L3MBTL4: variants seen among roughly 807,000 people sequenced by gnomAD.
L3MBTL4 encodes the protein L3MBTL histone methyl-lysine binding protein 4, also known as lethal(3)malignant brain tumor-like protein 4.
Under a neutral mutation model 84.5 loss-of-function variants are expected in L3MBTL4, and 70 were observed. The ratio of observed to expected loss-of-function variants is 0.83; its 90% confidence interval spans 0.68 to 1.01. L3MBTL4 has a LOEUF of 1.01. Ranked by LOEUF, L3MBTL4 falls within the 50% of genes least tolerant of loss-of-function variation. The pLI, the probability that L3MBTL4 is intolerant of heterozygous loss-of-function variation, is 0.00. For missense variants in L3MBTL4, 715 were observed against 754.8 expected, an observed-to-expected ratio of 0.95 and a Z score of 0.62; for synonymous variants, 274 against 259.8, an observed-to-expected ratio of 1.05 and a Z score of -0.52.
At chr18:6,328,539 G>T (rs1200936399) in intron 1 of L3MBTL4, among the ~76,000 whole-genome samples, 1 of 152,146 alleles carries the variant, frequency 6.6e-6, no homozygotes, top group Admixed American at 6.6e-5. Flanking sequence ...ATGACAACTA[G>T]CACTGCTGCC....
chr18:6,076,862 A>G (rs1275796823), intron 16 of L3MBTL4, among the ~76,000 whole-genome samples: 2 of 152,218 alleles, frequency 1.3e-5, no homozygotes, highest in African/African-American at 4.8e-5. Flanking sequence ...TGAACTTTCC[A>G]CAATTCCAAA....
chr18:6,106,133 G>A (rs1372883662), intron 14 of L3MBTL4, among the ~76,000 whole-genome samples: 2 of 152,196 alleles, frequency 1.3e-5, no homozygotes, highest in Non-Finnish European at 2.9e-5. Context: ...AGGCCAAACA[G>A]CTAAGAAGTT....
chr18:6,216,231 T>C (rs982151563), intron 10 of L3MBTL4, among the ~76,000 whole-genome samples: 8 of 152,334 alleles, frequency 5.3e-5, no homozygotes, highest in African/African-American at 1.9e-4. Flanking sequence ...AAAAAGACTC[T>C]GAAAATCTTT....
intron 14 of L3MBTL4, among the ~76,000 whole-genome samples, chr18:6,128,998 G>A (rs1232996035): frequency 6.6e-6 from 1 of 152,076 alleles, no homozygotes; most frequent in Non-Finnish European, 1.5e-5. Flanking sequence ...ACCAGAGGGT[G>A]TTCAGTCAAA....
intron 13 of L3MBTL4, among the ~76,000 whole-genome samples, chr18:6,145,308 G>C (rs2042600869): frequency 6.6e-6 from 1 of 152,002 alleles, no homozygotes; most frequent in African/African-American, 2.4e-5. Flanking sequence ...ACCTAAAATG[G>C]GTTACAGACT....
intron 1 of L3MBTL4, among the ~76,000 whole-genome samples, chr18:6,353,021 A>C (rs993225555): frequency 5.3e-5 from 8 of 152,234 alleles, no homozygotes; most frequent in African/African-American, 1.9e-4. Context: ...AATAAATTAA[A>C]CTAAACATAT....
chr18:5,961,429 G>A (rs2095262864), intron 17 of L3MBTL4, among the ~76,000 whole-genome samples: 1 of 152,226 alleles, frequency 6.6e-6, no homozygotes, highest in South Asian at 2.1e-4. Context: ...TGGTCTCACA[G>A]CTATATTTAG....
intron 16 of L3MBTL4, among the ~76,000 whole-genome samples, chr18:5,998,136 C>T (rs2145225307): frequency 6.6e-6 from 1 of 152,338 alleles, no homozygotes; most frequent in South Asian, 2.1e-4. Flanking sequence ...TCAGCCCTGC[C>T]TGATCCTTCC....
chr18:5,973,185 T>G (rs1321808244), intron 16 of L3MBTL4, among the ~76,000 whole-genome samples: 1 of 152,210 alleles, frequency 6.6e-6, no homozygotes, highest in Non-Finnish European at 1.5e-5. Context: ...AAATCCGGAC[T>G]GAGATTCAGG....
intron 10 of L3MBTL4, among the ~76,000 whole-genome samples, chr18:6,233,184 C>G (rs1160770000): frequency 6.6e-6 from 1 of 151,682 alleles, no homozygotes. Flanking sequence ...ATAATAAGAG[C>G]TATTTATAAC....
intron 14 of L3MBTL4, among the ~76,000 whole-genome samples, chr18:6,101,899 G>A (rs980960294): frequency 2.0e-4 from 30 of 151,944 alleles, no homozygotes; most frequent in Admixed American, 1.4e-3. Flanking sequence ...GACCGAAGTC[G>A]AAATTCTTTT....
chr18:6,266,572 AAT>A (rs1325372923), intron 4 of L3MBTL4, among the ~76,000 whole-genome samples: 1 of 152,228 alleles, frequency 6.6e-6, no homozygotes, highest in East Asian at 1.9e-4. Flanking sequence ...AATGTGACTG[AAT>A]AACAAACACA....
At chr18:6,197,106 T>A (rs1031184644) in intron 12 of L3MBTL4, among the ~76,000 whole-genome samples, 7 of 152,220 alleles carry the variant, frequency 4.6e-5, no homozygotes, top group East Asian at 1.9e-4. Flanking sequence ...ATTCTTTTTT[T>A]AAAAACTTTT....
intron 16 of L3MBTL4, among the ~76,000 whole-genome samples, chr18:6,043,702 G>C (rs1286495065): frequency 2.6e-5 from 4 of 152,056 alleles, no homozygotes; most frequent in African/African-American, 9.7e-5. Flanking sequence ...ACCTGGTTTG[G>C]GTAAGCAATG....
chr18:6,367,807 T>C (rs535142209), intron 1 of L3MBTL4: 1 of 152,322 alleles, frequency 6.6e-6, no homozygotes, highest in South Asian at 2.1e-4. Context: ...TGATTTGCCT[T>C]TTAACAGACG....
chr18:6,092,212 A>C (rs1397511421), intron 15 of L3MBTL4, among the ~76,000 whole-genome samples: 3 of 152,252 alleles, frequency 2.0e-5, no homozygotes, highest in Non-Finnish European at 4.4e-5. Flanking sequence ...TTTAACAAAA[A>C]ATGAAATGTC....
At chr18:6,381,877 C>T (rs139346503) in intron 1 of L3MBTL4, among the ~76,000 whole-genome samples, 5,250 of 152,230 alleles carry the variant, frequency 0.034, 325 homozygotes, top group African/African-American at 0.12. Context: ...GAATGTTGGC[C>T]TGTCTTGCTG....
At chr18:6,242,001 C>G (rs7242065) in intron 7 of L3MBTL4, among the ~76,000 whole-genome samples, 1 of 152,302 alleles carries the variant, frequency 6.6e-6, no homozygotes, top group East Asian at 1.9e-4. Context: ...CTTTACTAGT[C>G]TCCCATTAAA....
intron 16 of L3MBTL4, among the ~76,000 whole-genome samples, chr18:5,976,957 T>A (rs974845046): frequency 2.0e-5 from 3 of 152,136 alleles, no homozygotes; most frequent in Admixed American, 2.0e-4. Flanking sequence ...CAGGGAGGAC[T>A]GAGGGAACCG....
Sources: allele counts gnomAD v4.1 joint callset (sites outside exome capture counted in the v4.1 genomes callset), GRCh38; gene constraint gnomAD v4.1.1; transcripts MANE v1.5; gene names NCBI Gene and HGNC (gene_info 2026-07-23, HGNC 2026-07-21).